ATP13A2: variants seen among roughly 807,000 people sequenced by gnomAD.
ATP13A2 encodes ATPase cation transporting 13A2, also known as polyamine-transporting ATPase 13A2.
Under a neutral mutation model 138.3 loss-of-function variants are expected in ATP13A2, and 83 were observed. That is an observed-to-expected ratio of 0.60 (90% CI 0.50 to 0.72). ATP13A2 has a LOEUF of 0.72. ATP13A2 is among the 30% of genes least tolerant of loss of function. The probability of loss-of-function intolerance (pLI) is 0.00; values close to 1 mark genes in which losing one functional copy is unlikely to be tolerated. For missense variants in ATP13A2, 1,402 were observed against 1,606.4 expected (o/e 0.87, Z 2.17); for synonymous variants, 663 against 699.0 (o/e 0.95, Z 0.81).
Position 17,011,592 on chromosome 1 carries a change from C to A in ATP13A2, c.10+137G>T. On this transcript the variant is annotated intron_variant, in intron 1 of 28. Coordinates refer to ENST00000326735, the MANE Select transcript of ATP13A2 (RefSeq NM_022089.4). The surrounding 1 kb of genome is among the most constrained non-coding windows in gnomAD (Gnocchi z 7.3). ...CAAAAGGGAGGGGACGGGCCAGGAT[C>A]CCCAACCAGGTCCCGCTTCCTGGGC... 1 of 1,149,670 alleles carries A rather than the reference C, an allele frequency of 8.7e-7. No homozygotes were observed. The highest frequency in any genetic ancestry group is 1.1e-6 in the Non-Finnish European group (1 of 878,680). The allele number at this position is 1,149,670 out of a possible 1,614,324, so 71.2% of individuals were successfully genotyped here.
intron 6 of ATP13A2, among the ~76,000 whole-genome samples, chr1:17,002,828 C>T: frequency 6.6e-6 from 1 of 152,106 alleles, no homozygotes; most frequent in East Asian, 1.9e-4. Context: ...GTGATGAATG[C>T]ACGGGTGATT....
At chr1:16,993,483 C>T in intron 16 of ATP13A2, 146 bp downstream of exon 16, 3 of 835,896 alleles carry the variant, frequency 3.6e-6, no homozygotes, top group Non-Finnish European at 5.5e-6. Flanking sequence ...AGCCACGTTA[C>T]AGGTGTGAGC....
chr1:16,987,356 C>A lies in ATP13A2; in HGVS notation c.2860-87G>T. 3.1e-6 allele frequency: 4 copies of A among 1,276,780 alleles called. No individual in the cohort carries two copies. Among genetic ancestry groups the A allele is most frequent in the Non-Finnish European group, 4.5e-6 (4 of 894,774 alleles). The allele number at this position is 1,276,780 out of a possible 1,614,324, so 79.1% of individuals were successfully genotyped here. On this transcript the variant is annotated intron_variant, in intron 25 of 28. Transcript: ENST00000326735. ...GATAGCAGAGGCCCCACCCCTGCCC[C>A]GAAGGAATCTGATGGGTAAGGCATC...
Position 16,992,573 on chromosome 1 carries a change from C to T in ATP13A2, c.1758G>A (p.Glu586=), listed in dbSNP as rs1483480318. The T allele has an allele frequency of 1.9e-6, 3 of 1,614,232 alleles. No individual in the cohort carries two copies. In the South Asian group the frequency reaches 3.3e-5, roughly 18 times the overall value. ...KMVESTGWVL[E]EEPAADSAFG... is the part of the protein sequence containing the mutation. ...ATGCTGAGTCTGCAGCCGGCTCTTC[C>T]TCCAGGACCTGGCAGGCAGGCAGGG... The change falls in exon 17 of 29, where the codon GAG becomes GAA. Residue 586 remains glutamate (E), a synonymous_variant. Transcript: ENST00000326735.
intron 6 of ATP13A2, among the ~76,000 whole-genome samples, chr1:17,003,622 C>CACACACACAT (rs1158568193): frequency 6.7e-6 from 1 of 149,600 alleles, no homozygotes; most frequent in East Asian, 2.0e-4. Context: ...CACACACACA[C>CACACACACAT]ATACACACAA....
chr1:16,994,395 C>T (rs1196460244), intron 15 of ATP13A2, among the ~76,000 whole-genome samples: 1 of 151,222 alleles, frequency 6.6e-6, no homozygotes, highest in Non-Finnish European at 1.5e-5. Flanking sequence ...ACCTCGCCCA[C>T]CTAATTTTTG....
At chr1:16,994,602 GT>G (rs1362467021) in intron 15 of ATP13A2, among the ~76,000 whole-genome samples, 3 of 152,104 alleles carry the variant, frequency 2.0e-5, no homozygotes, top group Non-Finnish European at 4.4e-5. Context: ...AACTGCCCAA[GT>G]ACGCGTCTGG....
Position 17,004,384 on chromosome 1 carries a change from G to C in ATP13A2, c.505C>G (p.Gln169Glu). ...TCGATCCAGATATAGCGCTGGCCCT[G>C]GAAGAGGTAATACCGCAGCACCCGC... Reference protein sequence around the residue: ...QKRVLRYYLFQGQRYIWIETQ... With the variant: ...QKRVLRYYLFEGQRYIWIETQ... The change falls in exon 6 of 29, where the codon CAG (glutamine) becomes GAG (glutamate). Residue 169 changes from glutamine to glutamate, a missense_variant. Transcript: ENST00000326735. The surrounding 1 kb of genome is among the most constrained non-coding windows in gnomAD (Gnocchi z 4.1). 1 of 1,614,092 alleles carries C rather than the reference G, an allele frequency of 6.2e-7. No homozygotes were observed. The highest frequency in any genetic ancestry group is 8.5e-7 in the Non-Finnish European group (1 of 1,180,022).
At position 17,005,444 on chromosome 1, in the gene ATP13A2, A is replaced by G. The variant is rs756478512; in HGVS notation, c.218T>C (p.Val73Ala). The change falls in exon 3 of 29, where the codon GTG (valine) becomes GCG (alanine). Residue 73 changes from valine to alanine, a missense_variant. By Grantham distance (64) the Val-to-Ala change is moderately conservative. Transcript: ENST00000326735. ...LLFRWKPLWG[V>A]RLRLRPCNLA... ...GTTGCAGGGCCGGAGCCGCAGCCGC[A>G]CCCCCCACAGGGGCTTCCAACGGAA... 5.0e-6 allele frequency: 8 copies of G among 1,613,828 alleles called. No individual in the cohort carries two copies. In the Admixed American group the frequency reaches 1.2e-4, roughly 24 times the overall value.
chr1:16,997,129 C>G lies in ATP13A2; in HGVS notation c.1086G>C (p.Gly362=). Residue 362 remains glycine (G), a synonymous_variant, in exon 12 of 29, where the codon GGG becomes GGC. Transcript: ENST00000326735. ...GCCGGTGTGTCTCTGCACAGTAGGG[C>G]CCCAGCCCCTCCGGCAGTGCCGTCT... ...VLKTALPEGL[G]PYCAETHRRH... The G allele has an allele frequency of 6.2e-7, 1 of 1,613,772 alleles. No individual in the cohort carries two copies. The highest frequency in any genetic ancestry group is 8.5e-7 in the Non-Finnish European group (1 of 1,180,026).
In ATP13A2 at chr1:16,986,982, G is replaced by A; in HGVS notation, c.3084-26C>T. On this transcript the variant is annotated intron_variant, in intron 26 of 28. Coordinates refer to ENST00000326735, the MANE Select transcript of ATP13A2 (RefSeq NM_022089.4). This position sits in a 1 kb window ranked among gnomAD's most constrained non-coding sequence, Gnocchi z 6.9. ...CTGGGGGTACAGGGATGGGGGTCAG[G>A]GAACGAACGTGGGGTGGACAGGGAA... 2.5e-6 allele frequency: 4 copies of A among 1,613,380 alleles called. No individual in the cohort carries two copies. Among genetic ancestry groups the A allele is most frequent in the South Asian group, 1.1e-5 (1 of 91,036 alleles).
Position 17,000,089 on chromosome 1 carries a change from G to A in ATP13A2, c.961C>T (p.Pro321Ser), listed in dbSNP as rs761917385. 5.0e-6 allele frequency: 8 copies of A among 1,613,490 alleles called. No homozygotes were observed. In the South Asian group the frequency reaches 5.5e-5, roughly 11 times the overall value. Reference protein sequence around the residue: ...ELVPGDCLVLPQEGGLMPCDA... With the variant: ...ELVPGDCLVLSQEGGLMPCDA... ...CAGGGCATCAGCCCACCCTCCTGGG[G>A]CAGCACCAGGCAGTCTCCGGGCACT... The change falls in exon 11 of 29, where the codon CCC becomes TCC. Residue 321 changes from proline (P) to serine (S), a missense_variant. Pro to Ser is a moderately conservative substitution (Grantham distance 74). Coordinates refer to ENST00000326735, the MANE Select transcript of ATP13A2 (RefSeq NM_022089.4).
At chr1:16,996,929 C>T in intron 12 of ATP13A2, 91 bp downstream of exon 12, 1 of 1,498,580 alleles carries the variant, frequency 6.7e-7, no homozygotes. Flanking sequence ...GGCGTGGGGT[C>T]CAGGGTTCCA....
Position 17,011,768 on chromosome 1 carries a change from G to C in ATP13A2, c.-30C>G, listed in dbSNP as rs889431351. 5 of 1,432,622 alleles carry C rather than the reference G, an allele frequency of 3.5e-6. No homozygotes were observed. The highest frequency in any genetic ancestry group is 4.6e-6 in the Non-Finnish European group (5 of 1,094,714). 88.7% of individuals were successfully genotyped at this position (1,432,622 alleles called of 1,614,324 possible). The stretch of plus-strand genomic sequence containing the variant: ...GCTCCTCGCGCTCATCGCCGGCCCC[G>C]GCGCTGCGGCCCTCGGCCTGGGCCC... On this transcript the variant is annotated 5_prime_UTR_variant, in exon 1 of 29. Coordinates refer to ENST00000326735, the MANE Select transcript of ATP13A2 (RefSeq NM_022089.4). This position sits in a 1 kb window ranked among gnomAD's most constrained non-coding sequence, Gnocchi z 7.3.
At chr1:16,991,711 C>T (rs989270462) in intron 20 of ATP13A2, 23 bp downstream of exon 20, 10 of 1,613,860 alleles carry the variant, frequency 6.2e-6, no homozygotes, top group East Asian at 4.5e-5. Flanking sequence ...CCTGCTAGCC[C>T]GGGCCCCTAC....
intron 22 of ATP13A2, 43 bp from the exon 23 acceptor site, chr1:16,989,813 G>A (rs2076861394): frequency 3.7e-6 from 6 of 1,611,932 alleles, no homozygotes; most frequent in South Asian, 1.1e-5. Flanking sequence ...GCACCCACCA[G>A]GGAGAGCGAG....
intron 16 of ATP13A2, among the ~76,000 whole-genome samples, chr1:16,992,942 G>C (rs2076987904): frequency 6.6e-6 from 1 of 152,232 alleles, no homozygotes; most frequent in Admixed American, 6.5e-5. Context: ...TTAAGACAGA[G>C]TCTTACTCTG....
rs2076703743 is a variant in ATP13A2, at chr1:16,986,051, G to C, written c.*170C>G. 9.3e-6 allele frequency: 14 copies of C among 1,499,244 alleles called. No homozygotes were observed. Among genetic ancestry groups the C allele is most frequent in the Non-Finnish European group, 1.2e-5 (14 of 1,121,652 alleles). The allele number at this position is 1,499,244 out of a possible 1,614,324, so 92.9% of individuals were successfully genotyped here. The stretch of plus-strand genomic sequence containing the variant: ...CCCTACGCGGGATGGTCCAAGGTAG[G>C]GGACAGTAGTCAACGCTTCCCCAGG... On this transcript the variant is annotated 3_prime_UTR_variant, in exon 29 of 29. Transcript: ENST00000326735. The surrounding 1 kb of genome is among the most constrained non-coding windows in gnomAD (Gnocchi z 6.9).
intron 1 of ATP13A2, among the ~76,000 whole-genome samples, chr1:17,006,307 G>C (rs2077559957): frequency 6.8e-6 from 1 of 146,636 alleles, no homozygotes; most frequent in Non-Finnish European, 1.5e-5. Context: ...CTGGAGTGCA[G>C]TCACTTGATC....
Sources: gnomAD v4.1 joint callset for allele counts (sites outside exome capture counted in the v4.1 genomes callset) on GRCh38, gnomAD v4.1.1 for gene constraint, Gnocchi (gnomAD v3.1) non-coding constraint, MANE v1.5 for transcripts, NCBI Gene and HGNC (gene_info 2026-07-23, HGNC 2026-07-21) for gene names.